The following NUP43 variants were observed in gnomAD, a reference collection of about 807,000 sequenced individuals.
NUP43 encodes the protein nucleoporin Nup43.
NUP43 carries 32 observed loss-of-function variants against 47.3 expected under a neutral mutation model. That is an observed-to-expected ratio of 0.68 (90% confidence interval 0.51 to 0.91). NUP43 has a LOEUF of 0.91. NUP43 is among the 40% of genes least tolerant of loss of function. NUP43 has a pLI of 0.00. For synonymous variants in NUP43, 147 were observed against 158.4 expected (o/e 0.93, Z 0.54); for missense variants, 444 against 453.9 (o/e 0.98, Z 0.20).
At chr6:149,747,168 C>T (rs1045930804), upstream of NUP43, among the ~76,000 whole-genome samples, 1 of 152,284 alleles carries the variant, frequency 6.6e-6, no homozygotes, top group African/African-American at 2.4e-5. Flanking sequence ...TTGGTTACAC[C>T]TATAATATTC....
intron 2 of NUP43, among the ~76,000 whole-genome samples, chr6:149,744,094 C>A (rs375822684): frequency 6.6e-6 from 1 of 151,604 alleles, no homozygotes; most frequent in African/African-American, 2.4e-5. Flanking sequence ...CGCAAGATGG[C>A]GAGGCCTCGT....
intron 6 of NUP43, among the ~76,000 whole-genome samples, chr6:149,732,770 C>T (rs1320120812): frequency 1.3e-5 from 2 of 151,828 alleles, no homozygotes; most frequent in East Asian, 1.9e-4. Flanking sequence ...TGCTTGAACC[C>T]GGGAGGCAAG....
intron 7 of NUP43, chr6:149,728,311 T>TA (rs1317421601): frequency 1.0e-5 from 10 of 985,082 alleles, no homozygotes; most frequent in Non-Finnish European, 1.2e-5. Context: ...CAAGGTTCCT[T>TA]AAAAGTAAAC....
At position 149,742,480 on chromosome 6, in the gene NUP43, C is replaced by G. The variant is rs779184914; in HGVS notation, c.412G>C (p.Val138Leu). 6.2e-7 allele frequency: 1 copy of G among 1,613,956 alleles called. No homozygotes were observed. The highest frequency in any genetic ancestry group is 8.5e-7 in the Non-Finnish European group (1 of 1,179,798). The change falls in exon 4 of 8, where the codon GTG becomes CTG. Residue 138 changes from valine (V) to leucine (L), a missense_variant. Val to Leu is a conservative substitution (Grantham distance 32, BLOSUM62 1). Transcript: ENST00000340413. ...SYSSAPCTGV[V>L]CNNPEIVTVG... ...GTAACGATTTCTGGGTTGTTGCACA[C>G]AACACCTGTACATGGTGCACTGCTA... is the stretch of plus-strand genomic sequence containing the variant.
intron 7 of NUP43, chr6:149,729,520 T>C (rs1784930626): frequency 1.0e-6 from 1 of 984,794 alleles, no homozygotes; most frequent in Admixed American, 6.2e-5. Flanking sequence ...CCTTTTCTCC[T>C]AATTCAGAAC....
chr6:149,748,909 A>T (rs373131473), upstream of NUP43, among the ~76,000 whole-genome samples: 1 of 152,008 alleles, frequency 6.6e-6, no homozygotes, highest in East Asian at 1.9e-4. Context: ...TGGACGCGAC[A>T]AGCAATGTTC....
intron 5 of NUP43, among the ~76,000 whole-genome samples, chr6:149,736,851 G>C (rs964355147): frequency 4.6e-5 from 7 of 152,058 alleles, no homozygotes; most frequent in Non-Finnish European, 1.0e-4. Context: ...ATCATGCCTG[G>C]TTAACTTTTT....
chr6:149,741,494 A>G (rs1343825885), intron 4 of NUP43, among the ~76,000 whole-genome samples: 1 of 150,508 alleles, frequency 6.6e-6, no homozygotes, highest in East Asian at 1.9e-4. Flanking sequence ...ACATCCCTCC[A>G]TCACTTAACA....
Position 149,738,767 on chromosome 6 carries a change from T to C in NUP43, c.514A>G (p.Ser172Gly). The C allele has an allele frequency of 6.6e-7, 1 of 1,510,984 alleles. No homozygotes were observed. The highest frequency in any genetic ancestry group is 8.8e-7 in the Non-Finnish European group (1 of 1,131,844). The allele number at this position is 1,510,984 out of a possible 1,614,324, so 93.6% of individuals were successfully genotyped here. A position where few individuals can be genotyped will look rare whatever the true frequency, so the allele number is the denominator to read the frequency against. Residue 172 changes from serine (S) to glycine (G), a missense_variant, in exon 5 of 8, where the codon AGT becomes GGT. By Grantham distance (56) the Ser-to-Gly change is moderately conservative (BLOSUM62 0). Coordinates refer to ENST00000340413, the MANE Select transcript of NUP43 (RefSeq NM_198887.3). ...AAGGTTACAGCATGGAGTGTACTAC[T>C]ATCTGCATTGTCTAAAAATTTAAAA... is the stretch of plus-strand genomic sequence containing the variant. ...EAVRTIDNADSSTLHAVTFLR... is the reference protein window; with the variant it reads ...EAVRTIDNADGSTLHAVTFLR...
upstream of NUP43, chr6:149,746,643 G>A: frequency 6.3e-7 from 1 of 1,581,762 alleles, no homozygotes; most frequent in Non-Finnish European, 8.6e-7. Flanking sequence ...AGCCAGTGTG[G>A]GCACAGTCAG....
intron 6 of NUP43, among the ~76,000 whole-genome samples, chr6:149,735,769 G>A (rs1582968592): frequency 1.3e-5 from 2 of 150,986 alleles, no homozygotes; most frequent in East Asian, 3.9e-4. Flanking sequence ...GACCAGCCTG[G>A]GCAATAAAGT....
chr6:149,735,975 TAA>T (rs75190982), intron 6 of NUP43, among the ~76,000 whole-genome samples: 41,943 of 117,004 alleles, frequency 0.36, 8,178 homozygotes, highest in East Asian at 0.81. Flanking sequence ...CCTGTCTCTT[TAA>T]AAAAAAAAAA....
intron 2 of NUP43, among the ~76,000 whole-genome samples, chr6:149,745,610 T>C (rs1459533829): frequency 6.6e-6 from 1 of 152,162 alleles, no homozygotes; most frequent in Non-Finnish European, 1.5e-5. Context: ...TCAAGATATA[T>C]TAGTCTCAAT....
chr6:149,742,613 G>C (rs1380474934), intron 3 of NUP43, 43 bp from the exon 4 acceptor site: 1 of 1,442,620 alleles, frequency 6.9e-7, no homozygotes, highest in African/African-American at 1.4e-5. Flanking sequence ...AAAGTACTAA[G>C]GAATTAGCAC....
intron 4 of NUP43, among the ~76,000 whole-genome samples, chr6:149,739,109 T>C (rs533837863): frequency 7.8e-4 from 119 of 151,924 alleles, no homozygotes; most frequent in Admixed American, 3.5e-3. Flanking sequence ...GCCTCCCAAA[T>C]AGCTGGGATT....
upstream of NUP43, chr6:149,746,698 C>A: frequency 6.6e-7 from 1 of 1,522,864 alleles, no homozygotes; most frequent in Non-Finnish European, 8.8e-7. Flanking sequence ...CAGCTCTGAG[C>A]AAAGGCAAGA....
In NUP43 at chr6:149,730,032, G is replaced by A. The variant is rs533134233; in HGVS notation, c.913+1581C>T. Among the ~76,000 whole-genome samples, 11 of 147,974 alleles carry A rather than the reference G, an allele frequency of 7.4e-5. No individual in the cohort carries two copies. In the South Asian group the frequency reaches 1.3e-3, roughly 17 times the overall value. On this transcript the variant is annotated intron_variant, in intron 7 of 7. Coordinates refer to ENST00000340413, the MANE Select transcript of NUP43 (RefSeq NM_198887.3). ...CGCCCTTTTTTTTTTTTTTTGAGAC[G>A]GAGTTTCGCTTTTGCTATCCAGGCT...
chr6:149,742,509 G>A lies in NUP43; in HGVS notation c.383C>T (p.Ser128Phe). 6.2e-7 allele frequency: 1 copy of A among 1,614,106 alleles called. No individual in the cohort carries two copies. The highest frequency in any genetic ancestry group is 1.3e-5 in the African/African-American group (1 of 75,052). ...AHYHTGPGSP[S>F]YSSAPCTGVV... The stretch of plus-strand genomic sequence containing the variant: ...ACCTGTACATGGTGCACTGCTATAG[G>A]AAGGACTGCCAGGGCCTGTGTGGTA... The change falls in exon 4 of 8, where the codon TCC becomes TTC. Residue 128 changes from serine to phenylalanine, a missense_variant. Coordinates refer to ENST00000340413, the MANE Select transcript of NUP43 (RefSeq NM_198887.3).
At chr6:149,736,437 C>T (rs1211739243) in intron 6 of NUP43, 34 bp downstream of exon 6, 3 of 1,508,592 alleles carry the variant, frequency 2.0e-6, no homozygotes, top group East Asian at 2.3e-5. Flanking sequence ...ATAACTCACC[C>T]AATATAAACT....
Sources: allele counts gnomAD v4.1 joint callset (sites outside exome capture counted in the v4.1 genomes callset), GRCh38; gene constraint gnomAD v4.1.1; transcripts MANE v1.5; gene names NCBI Gene and HGNC (gene_info 2026-07-23, HGNC 2026-07-21).